Variants in ZNF469 observed in about 807,000 individuals in gnomAD.
The protein encoded by ZNF469 is zinc finger protein 469.
A neutral mutation model predicts 1.0 loss-of-function variants in ZNF469; 1 was observed. The ratio of observed to expected loss-of-function variants is 1.00; its 90% confidence interval spans 0.35 to 4.73. The LOEUF (loss-of-function observed/expected upper bound fraction) is 4.73, where lower values mean the gene tolerates loss of function less well. Among genes scored for constraint, ZNF469 ranks in the 30% most tolerant of loss-of-function variants. The pLI is 0.16. For synonymous variants in ZNF469, 2,703 were observed against 2,363.4 expected, an observed-to-expected ratio of 1.14 and a Z score of -4.17; for missense variants, 6,100 against 5,356.3, an observed-to-expected ratio of 1.14 and a Z score of -4.33.
chr16:88,359,351 G>A, the ZNF469 span, among the ~76,000 whole-genome samples: 126 of 148,962 alleles, frequency 8.5e-4, no homozygotes, highest in Non-Finnish European at 1.3e-3. Flanking sequence ...TGAGCGTCCC[G>A]GGGGCTTGGT....
rs747652441 is a variant in ZNF469, at chr16:88,430,170, G to T, written c.2700G>T (p.Pro900=). The change falls in exon 3 of 3, where the codon CCG becomes CCT. Residue 900 remains proline, a synonymous_variant. Coordinates refer to ENST00000565624, the MANE Select transcript of ZNF469 (RefSeq NM_001367624.2). The stretch of plus-strand genomic sequence containing the variant: ...CTCCAGAGAGCAAAGCTCCGCCCCC[G>T]CTCCCAGCAGCCACGCCGGACCCCC... ...GVTPESKAPP[P]LPAATPDPQT... 1 of 1,548,684 alleles carries T rather than the reference G, an allele frequency of 6.5e-7. No homozygotes were observed. Among genetic ancestry groups the T allele is most frequent in the East Asian group, 2.4e-5 (1 of 40,890 alleles).
chr16:88,191,946 G>C, the ZNF469 span, among the ~76,000 whole-genome samples: 4 of 152,214 alleles, frequency 2.6e-5, no homozygotes, highest in African/African-American at 9.7e-5. Flanking sequence ...CACCCAGCGT[G>C]ATGGTATTTG....
the ZNF469 span, among the ~76,000 whole-genome samples, chr16:88,254,087 A>G: frequency 5.3e-5 from 8 of 152,082 alleles, no homozygotes; most frequent in Non-Finnish European, 8.8e-5. Flanking sequence ...ATACTTGCCT[A>G]TCCCAACATC....
the ZNF469 span, among the ~76,000 whole-genome samples, chr16:88,214,493 G>C: frequency 6.6e-6 from 1 of 151,442 alleles, no homozygotes; most frequent in South Asian, 2.1e-4. Context: ...AGAAGGTATG[G>C]TTTTATTTTA....
At chr16:88,330,785 C>A in the ZNF469 span, among the ~76,000 whole-genome samples, 1 of 152,222 alleles carries the variant, frequency 6.6e-6, no homozygotes, top group Non-Finnish European at 1.5e-5. Context: ...CCGCATGCTA[C>A]CTGTTTGCCA....
the ZNF469 span, among the ~76,000 whole-genome samples, chr16:88,243,950 A>ATATATATATATATATT: frequency 1.4e-5 from 1 of 72,450 alleles, no homozygotes; most frequent in Non-Finnish European, 3.6e-5. Flanking sequence ...ATATATATAT[A>ATATATATATATATATT]TAAATGTATG....
the ZNF469 span, among the ~76,000 whole-genome samples, chr16:88,309,500 G>A: frequency 4.4e-5 from 6 of 136,198 alleles, no homozygotes; most frequent in South Asian, 2.4e-4. Flanking sequence ...GACACCTGAC[G>A]GGGGGAGTGC....
At chr16:88,334,539 G>C in the ZNF469 span, among the ~76,000 whole-genome samples, 1 of 152,180 alleles carries the variant, frequency 6.6e-6, no homozygotes, top group South Asian at 2.1e-4. Context: ...GTATGACCCA[G>C]GGTGTGCACA....
the ZNF469 span, among the ~76,000 whole-genome samples, chr16:88,147,166 A>G: frequency 1.3e-5 from 2 of 152,034 alleles, no homozygotes; most frequent in Middle Eastern, 3.4e-3. Context: ...GGCCACGGAG[A>G]GACTGGAGCT....
Position 88,439,008 on chromosome 16 carries a change from G to A in ZNF469, c.11538G>A (p.Arg3846=). 1 of 1,550,312 alleles carries A rather than the reference G, an allele frequency of 6.5e-7. No homozygotes were observed. The highest frequency in any genetic ancestry group is 8.7e-7 in the Non-Finnish European group (1 of 1,146,922). Residue 3846 remains arginine, a synonymous_variant, in exon 3 of 3, where the codon CGG becomes CGA. Coordinates refer to ENST00000565624, the MANE Select transcript of ZNF469 (RefSeq NM_001367624.2). ...RAPSAPDKPP[R]TPRKQATPSR... The stretch of plus-strand genomic sequence containing the variant: ...CCTCAGCCCCTGACAAGCCCCCCCG[G>A]ACCCCTCGGAAGCAGGCAACTCCCA...
chr16:88,274,103 A>G, the ZNF469 span, among the ~76,000 whole-genome samples: 61,770 of 152,044 alleles, frequency 0.41, 12,784 homozygotes, highest in East Asian at 0.53. Context: ...GCGCCTGGCC[A>G]GAATATTTTT....
chr16:88,221,002 C>T, the ZNF469 span, among the ~76,000 whole-genome samples: 3 of 152,326 alleles, frequency 2.0e-5, no homozygotes, highest in East Asian at 5.8e-4. Flanking sequence ...TGCACTGGTC[C>T]CTGAATGGCC....
At chr16:88,409,356 T>C (rs1003806068) in intron 1 of ZNF469, among the ~76,000 whole-genome samples, 1 of 152,348 alleles carries the variant, frequency 6.6e-6, no homozygotes, top group Admixed American at 6.5e-5. Flanking sequence ...GACCAGAGAC[T>C]GAGCACGGCT....
the ZNF469 span, among the ~76,000 whole-genome samples, chr16:88,374,743 C>T: frequency 4.6e-5 from 7 of 152,266 alleles, no homozygotes; most frequent in East Asian, 3.9e-4. Flanking sequence ...AGCTCGGCGC[C>T]GTGTGCTGTG....
At chr16:88,233,700 G>C in the ZNF469 span, among the ~76,000 whole-genome samples, 1 of 152,240 alleles carries the variant, frequency 6.6e-6, no homozygotes, top group East Asian at 1.9e-4. Context: ...CAGATGTTTT[G>C]GGGCCGTGAT....
At chr16:88,196,877 GCTC>G in the ZNF469 span, among the ~76,000 whole-genome samples, 1 of 152,146 alleles carries the variant, frequency 6.6e-6, no homozygotes, top group Non-Finnish European at 1.5e-5. Flanking sequence ...AGCCCTGTGG[GCTC>G]CTCCTGCTCT....
intron 1 of ZNF469, among the ~76,000 whole-genome samples, chr16:88,402,758 G>A (rs1280793242): frequency 1.3e-5 from 2 of 152,172 alleles, no homozygotes; most frequent in Admixed American, 6.5e-5. Context: ...TTATTCCTCC[G>A]GTTCCAGGGC....
the ZNF469 span, among the ~76,000 whole-genome samples, chr16:88,284,550 G>A: frequency 7.6e-5 from 11 of 145,388 alleles, no homozygotes; most frequent in Non-Finnish European, 1.5e-4. Flanking sequence ...GGTCAAGGCT[G>A]TAGTGAGCTG....
the ZNF469 span, among the ~76,000 whole-genome samples, chr16:88,375,504 C>T: frequency 1.3e-5 from 2 of 152,240 alleles, no homozygotes; most frequent in Admixed American, 6.5e-5. Context: ...GACACAGGCC[C>T]GGCTGGCTAC....
Sources: gnomAD v4.1 joint callset for allele counts (sites outside exome capture counted in the v4.1 genomes callset) on GRCh38, gnomAD v4.1.1 for gene constraint, MANE v1.5 for transcripts, NCBI Gene and HGNC (gene_info 2026-07-23, HGNC 2026-07-21) for gene names.